GPD2: variants seen among roughly 807,000 people sequenced by gnomAD.
GPD2 encodes glycerol-3-phosphate dehydrogenase 2.
In GPD2, 54 loss-of-function variants were observed where a neutral mutation model predicts 82.4. The ratio of observed to expected loss-of-function variants is 0.66; its 90% CI spans 0.53 to 0.82. The LOEUF (loss-of-function observed/expected upper bound fraction) is 0.82. Ranked by LOEUF, GPD2 falls within the 40% of genes least tolerant of loss-of-function variation. GPD2 has a pLI of 0.00. For missense variants in GPD2, 748 were observed against 896.2 expected (o/e 0.83, Z 2.11); for synonymous variants, 288 against 306.1 (o/e 0.94, Z 0.62).
At chr2:156,582,314 T>TA (rs1688054385) in intron 16 of GPD2, among the ~76,000 whole-genome samples, 2 of 151,890 alleles carry the variant, frequency 1.3e-5, no homozygotes, top group African/African-American at 4.8e-5. Flanking sequence ...AAATGTAAAT[T>TA]ACGTTAAAAA....
At chr2:156,451,743 G>T (rs561185815) in intron 1 of GPD2, among the ~76,000 whole-genome samples, 1 of 146,030 alleles carries the variant, frequency 6.8e-6, no homozygotes. Flanking sequence ...CGGGCGGGGG[G>T]CTGACCCCCC....
chr2:156,524,952 T>C (rs1478784734), intron 6 of GPD2, among the ~76,000 whole-genome samples: 1 of 152,232 alleles, frequency 6.6e-6, no homozygotes, highest in Non-Finnish European at 1.5e-5. Flanking sequence ...TAAGGGGTTA[T>C]AAAATGTTAC....
In GPD2 at chr2:156,584,351, T is replaced by G. The variant is rs984459223; in HGVS notation, c.*1433T>G. 8 of 152,098 alleles carry G rather than the reference T, an allele frequency of 5.3e-5. No homozygotes were observed. Among genetic ancestry groups the G allele is most frequent in the African/African-American group, 1.9e-4 (8 of 41,440 alleles). The allele number at this position is 152,098 out of a possible 1,614,324, so 9.4% of individuals were successfully genotyped here. A position where few individuals can be genotyped will look rare whatever the true frequency, so the allele number is the denominator to read the frequency against. On this transcript the variant is annotated 3_prime_UTR_variant, in exon 17 of 17. Coordinates refer to ENST00000438166, the MANE Select transcript of GPD2 (RefSeq NM_000408.5). ...ACTTTATTTCATGGCAGGTTTTTAT[T>G]GCAGAGACTTGAAGTCTTAGTTTTT...
At chr2:156,451,672 G>A (rs1400266502) in intron 1 of GPD2, among the ~76,000 whole-genome samples, 3 of 142,128 alleles carry the variant, frequency 2.1e-5, no homozygotes, top group South Asian at 2.3e-4. Flanking sequence ...CCTCCCGGAC[G>A]GGGCAGCTGG....
At chr2:156,497,506 A>C (rs1490085058) in intron 3 of GPD2, among the ~76,000 whole-genome samples, 2 of 152,222 alleles carry the variant, frequency 1.3e-5, no homozygotes, top group Non-Finnish European at 2.9e-5. Flanking sequence ...ATTATATTTT[A>C]ACACTGAATG....
At chr2:156,520,629 A>G (rs925834479) in intron 6 of GPD2, among the ~76,000 whole-genome samples, 1 of 151,184 alleles carries the variant, frequency 6.6e-6, no homozygotes, top group Non-Finnish European at 1.5e-5. Context: ...TCTGTCGCTC[A>G]AGCAGGGTCC....
In GPD2 at chr2:156,444,983, C is replaced by A. The variant is rs568629533; in HGVS notation, c.-9+8470C>A. Among the ~76,000 whole-genome samples the A allele has an allele frequency of 2.0e-3, 300 of 152,296 alleles. 2 individuals carry two copies. The highest frequency in any genetic ancestry group is 1.4e-3 in the Non-Finnish European group (98 of 68,028). On this transcript the variant is annotated intron_variant, in intron 1 of 16. Transcript: ENST00000438166. ...CAGGCTGGTCTTGAACTCCTGGCCT[C>A]AAGTGATCCTCCTGCCTTTGCCTCA...
At chr2:156,477,812 G>A (rs888873445) in intron 2 of GPD2, among the ~76,000 whole-genome samples, 1 of 152,078 alleles carries the variant, frequency 6.6e-6, no homozygotes, top group Non-Finnish European at 1.5e-5. Flanking sequence ...AGATTGCCTT[G>A]GTTCCTTAAA....
At chr2:156,451,915 G>A (rs1218684983) in intron 1 of GPD2, among the ~76,000 whole-genome samples, 5 of 148,564 alleles carry the variant, frequency 3.4e-5, no homozygotes, top group African/African-American at 7.5e-5. Context: ...CCTCCCAGAC[G>A]GGGTCGCGGC....
chr2:156,402,475 T>G, the GPD2 span, among the ~76,000 whole-genome samples: 1 of 152,238 alleles, frequency 6.6e-6, no homozygotes, highest in Non-Finnish European at 1.5e-5. Context: ...CAACTCATTT[T>G]ACTTCTTCTA....
upstream of GPD2, among the ~76,000 whole-genome samples, chr2:156,431,864 G>A (rs147809185): frequency 2.9e-3 from 438 of 148,976 alleles, 1 homozygote; most frequent in African/African-American, 9.7e-3. Flanking sequence ...TATTTTATAC[G>A]TGTCTGCGTG....
intron 10 of GPD2, 81 bp from the exon 11 acceptor site, chr2:156,569,282 T>A (rs900606225): frequency 5.4e-5 from 50 of 931,836 alleles, no homozygotes; most frequent in Non-Finnish European, 8.1e-5. Context: ...AAAATTTTGT[T>A]ATTGGTAAGT....
chr2:156,506,123 G>A lies in GPD2; in HGVS notation c.275-4673G>A, dbSNP rs955180062. Among the ~76,000 whole-genome samples, 4 of 152,104 alleles carry A rather than the reference G, an allele frequency of 2.6e-5. No individual in the cohort carries two copies. The East Asian group carries it at 7.7e-4, about 29-fold the overall frequency. On this transcript the variant is annotated intron_variant, in intron 3 of 16. Coordinates refer to ENST00000438166, the MANE Select transcript of GPD2 (RefSeq NM_000408.5). ...TACTTCTCATTCAACAAAAATGAGAGATTTAAAACATTTAGCATATAATAG... is the reference window on the plus strand; with the variant it reads ...TACTTCTCATTCAACAAAAATGAGAAATTTAAAACATTTAGCATATAATAG...
chr2:156,549,585 C>A, intron 6 of GPD2, 23 bp from the exon 7 acceptor site: 1 of 1,611,664 alleles, frequency 6.2e-7, no homozygotes, highest in Non-Finnish European at 8.5e-7. Flanking sequence ...CCTCTCCCTC[C>A]CCTGATGCTT....
At chr2:156,536,622 A>G (rs570623365) in intron 6 of GPD2, among the ~76,000 whole-genome samples, 1 of 152,248 alleles carries the variant, frequency 6.6e-6, no homozygotes, top group South Asian at 2.1e-4. Flanking sequence ...AAATGTGGAT[A>G]CTCTTCAAGA....
chr2:156,520,398 C>G (rs946859492), intron 6 of GPD2, among the ~76,000 whole-genome samples: 1 of 152,146 alleles, frequency 6.6e-6, no homozygotes, highest in South Asian at 2.1e-4. Flanking sequence ...CCAACTGTGA[C>G]TATTCACCAT....
chr2:156,478,769 T>A (rs1296845165), intron 2 of GPD2, among the ~76,000 whole-genome samples: 2 of 152,252 alleles, frequency 1.3e-5, no homozygotes, highest in Non-Finnish European at 2.9e-5. Flanking sequence ...TCCATTTTTC[T>A]GCAGAGTGAT....
intron 2 of GPD2, among the ~76,000 whole-genome samples, chr2:156,490,969 TAA>T (rs1491398679): frequency 2.6e-5 from 2 of 76,968 alleles, no homozygotes; most frequent in Non-Finnish European, 8.4e-5. Context: ...TGAGTTTTGA[TAA>T]GTTTATAAAA....
intron 3 of GPD2, among the ~76,000 whole-genome samples, chr2:156,505,519 G>A (rs1468566527): frequency 6.6e-6 from 1 of 152,102 alleles, no homozygotes; most frequent in Admixed American, 6.6e-5. Context: ...ATAAAAAGTA[G>A]CTGCTAACAA....
Sources: gnomAD v4.1 joint callset for allele counts (sites outside exome capture counted in the v4.1 genomes callset) on GRCh38, gnomAD v4.1.1 for gene constraint, MANE v1.5 for transcripts, NCBI Gene and HGNC (gene_info 2026-07-23, HGNC 2026-07-21) for gene names.